The following ADCY6 variants were observed in gnomAD, a reference collection of about 807,000 sequenced individuals.
ADCY6 encodes adenylate cyclase type 6.
In ADCY6, 59 loss-of-function variants were observed where a neutral mutation model predicts 111.6. That is an observed-to-expected ratio of 0.53 (90% CI 0.43 to 0.66). The LOEUF is 0.66. Among genes scored for constraint, ADCY6 ranks in the 30% least tolerant of loss-of-function variants. The pLI, the probability that ADCY6 is intolerant of heterozygous loss-of-function variation, is 0.00. For synonymous variants in ADCY6, 576 were observed against 642.9 expected (o/e 0.90, Z 1.57); for missense variants, 1,242 against 1,595.6 (o/e 0.78, Z 3.78).
Position 48,777,881 on chromosome 12 carries a change from T to C in ADCY6, c.1015-145A>G. ...TGGACTGTGGCCTGACCTTCCCCCA[T>C]CAGAGCCCCCTCTGACCACCCTCCA... On this transcript the variant is annotated intron_variant, in intron 3 of 21. Transcript: ENST00000357869. This position sits in a 1 kb window ranked among gnomAD's most constrained non-coding sequence, Gnocchi z 4.9. 1 of 1,369,050 alleles carries C rather than the reference T, an allele frequency of 7.3e-7. No homozygotes were observed. Among genetic ancestry groups the C allele is most frequent in the East Asian group, 2.3e-5 (1 of 42,764 alleles). The allele number at this position is 1,369,050 out of a possible 1,614,324, so 84.8% of individuals were successfully genotyped here.
rs371101181 is a variant in ADCY6 at position 48,772,480 on chromosome 12, C to T, written c.2657+28G>A. On this transcript the variant is annotated intron_variant, in intron 17 of 21. Transcript: ENST00000357869. ...TGAAGGAGGCATCTAATGGCTCTACCCTTTGCTGCCTCGGAGCCCTCACTT... is the reference window on the plus strand; with the variant it reads ...TGAAGGAGGCATCTAATGGCTCTACTCTTTGCTGCCTCGGAGCCCTCACTT... 7 of 1,614,192 alleles carry T rather than the reference C, an allele frequency of 4.3e-6. No homozygotes were observed. The South Asian group carries it at 5.5e-5, about 13-fold the overall frequency.
intron 15 of ADCY6, 118 bp downstream of exon 15, chr12:48,773,822 T>C: frequency 6.8e-7 from 1 of 1,471,800 alleles, no homozygotes; most frequent in Non-Finnish European, 9.2e-7. Flanking sequence ...TGGTTGCTCC[T>C]AGTGTGGGAG....
At chr12:48,769,392 G>T (rs1941464275) in intron 20 of ADCY6, among the ~76,000 whole-genome samples, 1 of 131,158 alleles carries the variant, frequency 7.6e-6, no homozygotes, top group Non-Finnish European at 1.6e-5. Flanking sequence ...CTCTAGCCTG[G>T]TACAGAGCAA....
rs770248714 is a variant in ADCY6, at chr12:48,783,129, C to T, written c.306G>A (p.Gly102=). 3.1e-6 allele frequency: 5 copies of T among 1,608,820 alleles called. No homozygotes were observed. In the East Asian group the frequency reaches 6.7e-5, roughly 22 times the overall value. ...EDTEVTTTAG[G]TAEVAPDAVP... ...CCGCGTCGGGCGCCACCTCAGCCGT[C>T]CCGCCCGCTGTCGTTGTCACCTCGG... Residue 102 remains glycine (G), a synonymous_variant, in exon 2 of 22, where the codon GGG becomes GGA. Coordinates refer to ENST00000357869, the MANE Select transcript of ADCY6 (RefSeq NM_015270.5).
chr12:48,774,209 T>C, intron 14 of ADCY6, 111 bp from the exon 15 acceptor site: 1 of 1,130,676 alleles, frequency 8.8e-7, no homozygotes, highest in Admixed American at 2.2e-5. Flanking sequence ...TTATACCCCA[T>C]GGGCCTTAGT....
Position 48,782,997 on chromosome 12 carries a change from C to T in ADCY6, c.438G>A (p.Gln146=), listed in dbSNP as rs751188141. ...LERLYQRYFF[Q]MNQSSLTLLM... is the part of the protein sequence containing the mutation. ...GCAGCGTCAGGCTGCTCTGGTTCATCTGGAAGAAGTACCGCTGGTACAGGC... is the reference window on the plus strand; with the variant it reads ...GCAGCGTCAGGCTGCTCTGGTTCATTTGGAAGAAGTACCGCTGGTACAGGC... The change falls in exon 2 of 22, where the codon CAG becomes CAA. Residue 146 remains glutamine (Q), a synonymous_variant. Transcript: ENST00000357869. The surrounding 1 kb of genome is among the most constrained non-coding windows in gnomAD (Gnocchi z 4.3). The T allele has an allele frequency of 2.0e-5, 32 of 1,613,782 alleles. No individual in the cohort carries two copies. In the South Asian group the frequency reaches 3.2e-4, roughly 16 times the overall value.
intron 2 of ADCY6, among the ~76,000 whole-genome samples, chr12:48,780,862 A>G (rs762371135): frequency 6.6e-6 from 1 of 152,178 alleles, no homozygotes; most frequent in African/African-American, 2.4e-5. Context: ...GTGCTCCACA[A>G]ACAAACGGGC....
chr12:48,788,301 G>T (rs879761497), intron 1 of ADCY6, among the ~76,000 whole-genome samples: 1 of 152,140 alleles, frequency 6.6e-6, no homozygotes, highest in Admixed American at 6.5e-5. Context: ...GGGTAATCTG[G>T]TAAGGAGAGG....
upstream of ADCY6, chr12:48,789,638 C>T (rs1389144751): frequency 6.6e-6 from 1 of 152,160 alleles, no homozygotes; most frequent in Non-Finnish European, 1.5e-5. Context: ...CTGCGCCCTC[C>T]CGCGGGAACT....
intron 14 of ADCY6, 21 bp downstream of exon 14, chr12:48,774,381 G>A (rs762279993): frequency 6.3e-7 from 1 of 1,583,650 alleles, no homozygotes; most frequent in South Asian, 1.1e-5. Context: ...AGAGGTGGGA[G>A]AATTCCCACT....
At position 48,774,790 on chromosome 12, in the gene ADCY6, C is replaced by T. The variant is rs1196743923; in HGVS notation, c.2079-12G>A. 2 of 1,612,902 alleles carry T rather than the reference C, an allele frequency of 1.2e-6. No homozygotes were observed. The highest frequency in any genetic ancestry group is 1.7e-5 in the Admixed American group (1 of 59,934). On this transcript the variant is annotated splice_polypyrimidine_tract_variant and intron_variant, in intron 12 of 21. Coordinates refer to ENST00000357869, the MANE Select transcript of ADCY6 (RefSeq NM_015270.5). ...GCATCAGGGTGGAGCTGGGGCAGAA[C>T]AGGGCCAGAAAAATCATTTAATTCT...
chr12:48,772,846 T>A lies in ADCY6; in HGVS notation c.2622-303A>T, dbSNP rs552138227. ...AATGTATGTAAAAGGCTTAGCACAGTGCCTGCCATATAGTCAGCCTTCCAT... is the reference window on the plus strand; with the variant it reads ...AATGTATGTAAAAGGCTTAGCACAGAGCCTGCCATATAGTCAGCCTTCCAT... On this transcript the variant is annotated intron_variant, in intron 16 of 21. Transcript: ENST00000357869. Among the ~76,000 whole-genome samples the A allele has an allele frequency of 2.0e-5, 3 of 152,342 alleles. No individual in the cohort carries two copies. The East Asian group carries it at 5.8e-4, about 29-fold the overall frequency.
At chr12:48,780,898 GTTCTGGCA>G (rs1024416535) in intron 2 of ADCY6, among the ~76,000 whole-genome samples, 25 of 152,284 alleles carry the variant, frequency 1.6e-4, no homozygotes, top group African/African-American at 5.5e-4. Context: ...AAAAAGGTAC[GTTCTGGCA>G]TTCTGGCATT....
In ADCY6 at chr12:48,777,420, T is replaced by C. The variant is rs1486504667; in HGVS notation, c.1238A>G (p.Lys413Arg). 8.1e-6 allele frequency: 13 copies of C among 1,613,400 alleles called. No homozygotes were observed. The highest frequency in any genetic ancestry group is 3.3e-5 in the Admixed American group (2 of 59,962). Residue 413 changes from lysine (K) to arginine (R), a missense_variant, in exon 5 of 22, where the codon AAG becomes AGG. Physicochemically the swap from Lys to Arg is conservative, Grantham distance 26. Transcript: ENST00000357869. This position sits in a 1 kb window ranked among gnomAD's most constrained non-coding sequence, Gnocchi z 4.9. ...TLNELFARFD[K>R]LAAENHCLRI... ...GCCCAGCACCCTCACCGCAGCCAGC[T>C]TGTCAAACCGGGCAAAGAGCTCATT...
In ADCY6 at chr12:48,782,499, A is replaced by C; in HGVS notation, c.864+72T>G. On this transcript the variant is annotated intron_variant, in intron 2 of 21. Transcript: ENST00000357869. This position sits in a 1 kb window ranked among gnomAD's most constrained non-coding sequence, Gnocchi z 4.3. ...ATGACTCACCCGCCCTTCCTCACTA[A>C]GCCCCCACCTGCTTATGAGGTGAGA... 3 of 1,520,778 alleles carry C rather than the reference A, an allele frequency of 2.0e-6. No individual in the cohort carries two copies. The highest frequency in any genetic ancestry group is 2.0e-5 in the Admixed American group (1 of 48,812). 94.2% of individuals were successfully genotyped at this position (1,520,778 alleles called of 1,614,324 possible).
intron 2 of ADCY6, among the ~76,000 whole-genome samples, chr12:48,781,127 G>A (rs529815661): frequency 6.5e-4 from 99 of 151,872 alleles, no homozygotes; most frequent in Non-Finnish European, 1.1e-3. Flanking sequence ...GAACCTGGGA[G>A]GCAGAGGTTG....
Position 48,769,047 on chromosome 12 carries a change from G to C in ADCY6, c.3271C>G (p.Pro1091Ala). 4 of 1,612,802 alleles carry C rather than the reference G, an allele frequency of 2.5e-6. No homozygotes were observed. The highest frequency in any genetic ancestry group is 3.4e-6 in the Non-Finnish European group (4 of 1,179,364). The change falls in exon 21 of 22, where the codon CCA becomes GCA. Residue 1091 changes from proline (P) to alanine (A), a missense_variant. Physicochemically the swap from Pro to Ala is conservative, Grantham distance 27 (BLOSUM62 -1). Transcript: ENST00000357869. ...GCCCCGATGACACCTGCCACGACTG[G>C]GCCCATGTTCAGCCCTGAGGTGGAG... ...FQMKIGLNMGPVVAGVIGARK... is the reference protein window; with the variant it reads ...FQMKIGLNMGAVVAGVIGARK...
rs1426627520 is a variant in ADCY6 at position 48,767,139 on chromosome 12, G to C, written c.*1452C>G. 1 of 152,666 alleles carries C rather than the reference G, an allele frequency of 6.6e-6. No homozygotes were observed. Among genetic ancestry groups the C allele is most frequent in the South Asian group, 2.1e-4 (1 of 4,832 alleles). 9.5% of individuals were successfully genotyped at this position (152,666 alleles called of 1,614,324 possible). On this transcript the variant is annotated 3_prime_UTR_variant, in exon 22 of 22. Transcript: ENST00000357869. The stretch of plus-strand genomic sequence containing the variant: ...GATTCCATGCTACCCCAGCCCCAAA[G>C]CATACCATGTCCCAGGACACTATCT...
At position 48,783,107 on chromosome 12, in the gene ADCY6, C is replaced by T. The variant is rs371266666; in HGVS notation, c.328G>A (p.Ala110Thr). 22 of 1,610,280 alleles carry T rather than the reference C, an allele frequency of 1.4e-5. No homozygotes were observed. The highest frequency in any genetic ancestry group is 2.2e-5 in the East Asian group (1 of 44,868). The change falls in exon 2 of 22, where the codon GCG (alanine) becomes ACG (threonine). Residue 110 changes from alanine to threonine, a missense_variant. Around this residue, in one of 4 missense-constraint regions of ADCY6, gnomAD observed 362 missense variants for 377.2 expected, o/e 0.96. Coordinates refer to ENST00000357869, the MANE Select transcript of ADCY6 (RefSeq NM_015270.5). ...AGGTAEVAPDAVPRSGRSCWR... is the reference protein window; with the variant it reads ...AGGTAEVAPDTVPRSGRSCWR... ...CAGGATCGCCCACTCCTGGGCACCG[C>T]GTCGGGCGCCACCTCAGCCGTCCCG...
Sources: allele counts gnomAD v4.1 joint callset (sites outside exome capture counted in the v4.1 genomes callset), GRCh38; gene constraint gnomAD v4.1.1; regional missense constraint gnomAD v4.1.1; non-coding constraint Gnocchi (gnomAD v3.1); transcripts MANE v1.5; gene names NCBI Gene and HGNC (gene_info 2026-07-23, HGNC 2026-07-21).